Variants in SYT9 observed in about 807,000 individuals in gnomAD.
SYT9 encodes synaptotagmin-9.
Under a neutral mutation model 48.4 loss-of-function variants are expected in SYT9, and 22 were observed. The ratio of observed to expected loss-of-function variants is 0.45; its 90% CI spans 0.32 to 0.65. SYT9 has a LOEUF of 0.65. Ranked by LOEUF, SYT9 falls within the 30% of genes least tolerant of loss-of-function variation. The pLI is 0.03. For missense variants in SYT9, 577 were observed against 622.0 expected (o/e 0.93, Z 0.77); for synonymous variants, 265 against 245.0 (o/e 1.08, Z -0.76).
upstream of SYT9, among the ~76,000 whole-genome samples, chr11:7,249,817 T>C (rs376022755): frequency 6.6e-5 from 10 of 152,226 alleles, no homozygotes; most frequent in African/African-American, 2.2e-4. Context: ...GCATAGTAAC[T>C]AGTCTGTCTA....
At chr11:7,463,351 CT>C (rs969467820) in intron 6 of SYT9, among the ~76,000 whole-genome samples, 3 of 151,354 alleles carry the variant, frequency 2.0e-5, no homozygotes, top group African/African-American at 7.3e-5. Flanking sequence ...AAAAATCTTT[CT>C]TTTCTCACAT....
At chr11:7,299,458 C>T (rs1848876579) in intron 1 of SYT9, among the ~76,000 whole-genome samples, 1 of 152,090 alleles carries the variant, frequency 6.6e-6, no homozygotes, top group Non-Finnish European at 1.5e-5. Context: ...CTCTCTGGAC[C>T]ACTGCTAACT....
At chr11:7,381,262 A>T (rs1276138973) in intron 3 of SYT9, among the ~76,000 whole-genome samples, 1 of 152,202 alleles carries the variant, frequency 6.6e-6, no homozygotes, top group Non-Finnish European at 1.5e-5. Flanking sequence ...AAGTTAAAAA[A>T]AAGGAGGTGA....
At chr11:7,434,674 G>C (rs567049419) in intron 6 of SYT9, among the ~76,000 whole-genome samples, 1 of 152,168 alleles carries the variant, frequency 6.6e-6, no homozygotes, top group African/African-American at 2.4e-5. Context: ...CTCTACCTTG[G>C]GCCTGCAGGG....
At chr11:7,324,533 A>G (rs969095000) in intron 3 of SYT9, among the ~76,000 whole-genome samples, 1 of 151,962 alleles carries the variant, frequency 6.6e-6, no homozygotes, top group Non-Finnish European at 1.5e-5. Flanking sequence ...ATTTAAGACT[A>G]TAAATTTCCC....
In SYT9 at chr11:7,303,172, C is replaced by T; in HGVS notation, c.279C>T (p.Asp93=). 1.2e-6 allele frequency: 2 copies of T among 1,614,176 alleles called. No homozygotes were observed. Among genetic ancestry groups the T allele is most frequent in the Non-Finnish European group, 1.7e-6 (2 of 1,180,020 alleles). The change falls in exon 2 of 7, where the codon GAC becomes GAT. Residue 93 remains aspartate, a synonymous_variant. Coordinates refer to ENST00000318881, the MANE Select transcript of SYT9 (RefSeq NM_175733.4). ...RERGLPSGSK[D]NNQEPLNYMD... Reference sequence around the variant, plus strand: ...GAGGCCTGCCCTCTGGTAGCAAAGACAACAACCAGGAGCCCCTTAACTACA... The same window carrying T: ...GAGGCCTGCCCTCTGGTAGCAAAGATAACAACCAGGAGCCCCTTAACTACA...
At chr11:7,297,295 A>C (rs1035441457) in intron 1 of SYT9, among the ~76,000 whole-genome samples, 1 of 152,202 alleles carries the variant, frequency 6.6e-6, no homozygotes, top group African/African-American at 2.4e-5. Flanking sequence ...AAAAGTAGAG[A>C]GGTTAATATA....
chr11:7,269,211 A>C (rs2133883740), intron 1 of SYT9, among the ~76,000 whole-genome samples: 1 of 151,998 alleles, frequency 6.6e-6, no homozygotes, highest in East Asian at 1.9e-4. Flanking sequence ...ATTTCAAATC[A>C]GTTGGGGGGG....
rs531149596 is a variant in SYT9, at chr11:7,330,715, A to T, written c.1044+16774A>T. Among the ~76,000 whole-genome samples, 3 of 152,190 alleles carry T rather than the reference A, an allele frequency of 2.0e-5. No individual in the cohort carries two copies. In the South Asian group the frequency reaches 6.2e-4, roughly 32 times the overall value. ...AACAAGGGGACAATATTTTCTTTTGAGATGGAGTTTCCCTCTTGTTCCCCA... is the reference window on the plus strand; with the variant it reads ...AACAAGGGGACAATATTTTCTTTTGTGATGGAGTTTCCCTCTTGTTCCCCA... On this transcript the variant is annotated intron_variant, in intron 3 of 6. Coordinates refer to ENST00000318881, the MANE Select transcript of SYT9 (RefSeq NM_175733.4).
At chr11:7,378,207 T>TG (rs1314194874) in intron 3 of SYT9, among the ~76,000 whole-genome samples, 3 of 151,920 alleles carry the variant, frequency 2.0e-5, no homozygotes, top group Non-Finnish European at 4.4e-5. Context: ...AGGTTTGCGA[T>TG]GAGTCAGAAG....
upstream of SYT9, among the ~76,000 whole-genome samples, chr11:7,251,132 A>C (rs2135872): frequency 2.0e-3 from 262 of 127,960 alleles, no homozygotes; most frequent in East Asian, 4.2e-3. Flanking sequence ...ACACACACAC[A>C]CCCAGAGTAC....
At chr11:7,377,852 G>C (rs1850483992) in intron 3 of SYT9, among the ~76,000 whole-genome samples, 1 of 152,240 alleles carries the variant, frequency 6.6e-6, no homozygotes, top group East Asian at 1.9e-4. Context: ...GCCTGGTTGG[G>C]GCATGGCTTC....
chr11:7,301,952 G>A (rs1158594210), intron 1 of SYT9, among the ~76,000 whole-genome samples: 1 of 152,230 alleles, frequency 6.6e-6, no homozygotes, highest in African/African-American at 2.4e-5. Context: ...ACTGGATACT[G>A]AACTGCCAAG....
intron 3 of SYT9, among the ~76,000 whole-genome samples, chr11:7,396,277 A>G (rs527718227): frequency 6.6e-6 from 1 of 151,924 alleles, no homozygotes; most frequent in Non-Finnish European, 1.5e-5. Context: ...ATCTCGCTGT[A>G]TTTTTGCTTT....
intron 3 of SYT9, among the ~76,000 whole-genome samples, chr11:7,363,900 G>A (rs1850193643): frequency 6.6e-6 from 1 of 152,116 alleles, no homozygotes. Flanking sequence ...TGAGGAACAA[G>A]TCAAAGATAT....
intron 1 of SYT9, among the ~76,000 whole-genome samples, chr11:7,241,253 C>T (rs1191410491): frequency 1.3e-5 from 2 of 151,252 alleles, no homozygotes; most frequent in African/African-American, 4.9e-5. Flanking sequence ...CACTCACCCC[C>T]CCCACACACA....
At chr11:7,465,892 A>C (rs180965960) in intron 6 of SYT9, 21 of 159,622 alleles carry the variant, frequency 1.3e-4, no homozygotes. Context: ...AGACTTATTC[A>C]CTATCACAAG....
intron 3 of SYT9, among the ~76,000 whole-genome samples, chr11:7,394,565 C>G (rs1018041263): frequency 2.0e-5 from 3 of 152,080 alleles, no homozygotes; most frequent in Non-Finnish European, 4.4e-5. Flanking sequence ...GTTTAGATCC[C>G]TCTTTTTCTT....
rs746820472 is a variant in SYT9, at chr11:7,313,799, G to T, written c.902G>T (p.Arg301Leu). ...FPVPYNDLEA[R>L]KLHFSVYDFD... ...GTTCCCTACAATGACCTTGAAGCAC[G>T]GAAGCTTCACTTCTCTGTGTACGAC... The change falls in exon 3 of 7, where the codon CGG becomes CTG. Residue 301 changes from arginine to leucine, a missense_variant. Arg to Leu is a moderately radical substitution (Grantham distance 102, BLOSUM62 -2). Coordinates refer to ENST00000318881, the MANE Select transcript of SYT9 (RefSeq NM_175733.4). 1 of 1,614,182 alleles carries T rather than the reference G, an allele frequency of 6.2e-7. No homozygotes were observed. The highest frequency in any genetic ancestry group is 1.1e-5 in the South Asian group (1 of 91,074).
Sources: gnomAD v4.1 joint callset for allele counts (sites outside exome capture counted in the v4.1 genomes callset) on GRCh38, gnomAD v4.1.1 for gene constraint, MANE v1.5 for transcripts, NCBI Gene and HGNC (gene_info 2026-07-23, HGNC 2026-07-21) for gene names.